The following TMX1 variants were observed in gnomAD, a reference collection of about 807,000 sequenced individuals.
TMX1 encodes thioredoxin related transmembrane protein 1.
Under a neutral mutation model 36.6 loss-of-function variants are expected in TMX1, and 25 were observed. The observed-to-expected ratio is 0.68, with a 90% CI of 0.50 to 0.95. TMX1 has a LOEUF of 0.95. Among genes scored for constraint, TMX1 ranks in the 40% least tolerant of loss-of-function variants. The probability of loss-of-function intolerance (pLI) is 0.00; values close to 1 mark genes in which losing one functional copy is unlikely to be tolerated. For synonymous variants in TMX1, 133 were observed against 118.0 expected (o/e 1.13, Z -0.82); for missense variants, 347 against 339.6 (o/e 1.02, Z -0.17).
At chr14:51,250,648 C>A (rs148314643) in intron 7 of TMX1, among the ~76,000 whole-genome samples, 2 of 152,142 alleles carry the variant, frequency 1.3e-5, no homozygotes, top group African/African-American at 4.8e-5. Context: ...CCCACCACCA[C>A]GCCCGGCTAA....
intron 1 of TMX1, 55 bp downstream of exon 1, chr14:51,240,499 C>G (rs2065755243): frequency 1.3e-6 from 2 of 1,576,506 alleles, no homozygotes; most frequent in East Asian, 4.6e-5. Flanking sequence ...CGACTTCACC[C>G]CGCACGTTCC....
chr14:51,248,692 C>T (rs1258015225), intron 4 of TMX1, among the ~76,000 whole-genome samples: 1 of 152,282 alleles, frequency 6.6e-6, no homozygotes, highest in East Asian at 1.9e-4. Flanking sequence ...CAAGCAGCTA[C>T]AATTGGGAAC....
At chr14:51,247,268 C>A (rs201395832) in intron 4 of TMX1, 48 bp downstream of exon 4, 1 of 1,549,582 alleles carries the variant, frequency 6.5e-7, no homozygotes, top group Non-Finnish European at 8.7e-7. Flanking sequence ...TTAATTGGAA[C>A]AGATAATTAT....
Position 51,256,420 on chromosome 14 carries a change from T to TA in TMX1, c.*1904dup, listed in dbSNP as rs1161433783. ...AGGAAACATATAATCTCACGGTTCT[T>TA]AAAGATTGTCACTGTAGACATCTGA... On this transcript the variant is annotated 3_prime_UTR_variant, in exon 8 of 8. Transcript: ENST00000457354. 6.6e-6 allele frequency: 1 copy of TA among 152,062 alleles called. No individual in the cohort carries two copies. Among genetic ancestry groups the TA allele is most frequent in the African/African-American group, 2.4e-5 (1 of 41,418 alleles). The allele number at this position is 152,062 out of a possible 1,614,324, so 9.4% of individuals were successfully genotyped here. A position where few individuals can be genotyped will look rare whatever the true frequency, so the allele number is the denominator to read the frequency against.
rs1229674082 is a variant in TMX1, at chr14:51,243,903, A to G, written c.200A>G (p.Glu67Gly). ...TGTCAAAATCTTCAACCGGAATGGGAAAGTTTTGCTGAATGGGGAGAAGAT... is the reference window on the plus strand; with the variant it reads ...TGTCAAAATCTTCAACCGGAATGGGGAAGTTTTGCTGAATGGGGAGAAGAT... ...PACQNLQPEW[E>G]SFAEWGEDLE... The change falls in exon 2 of 8, where the codon GAA becomes GGA. Residue 67 changes from glutamate to glycine, a missense_variant. Coordinates refer to ENST00000457354, the MANE Select transcript of TMX1 (RefSeq NM_030755.5). 6.2e-7 allele frequency: 1 copy of G among 1,612,266 alleles called. No individual in the cohort carries two copies. Among genetic ancestry groups the G allele is most frequent in the Admixed American group, 1.7e-5 (1 of 59,844 alleles).
chr14:51,256,183 A>T lies in TMX1; in HGVS notation c.*1664A>T, dbSNP rs535222359. On this transcript the variant is annotated 3_prime_UTR_variant, in exon 8 of 8. Transcript: ENST00000457354. The stretch of plus-strand genomic sequence containing the variant: ...AATCAAAAGACTGCCTTCTTTTTCT[A>T]TTGAGATGTTTAAGGACAGTAATGC... 14 of 152,278 alleles carry T rather than the reference A, an allele frequency of 9.2e-5. No homozygotes were observed. The South Asian group carries it at 2.7e-3, about 29-fold the overall frequency. The allele number at this position is 152,278 out of a possible 1,614,324, so 9.4% of individuals were successfully genotyped here. A position where few individuals can be genotyped will look rare whatever the true frequency, so the allele number is the denominator to read the frequency against.
At chr14:51,243,761 T>G (rs982210628) in intron 1 of TMX1, 95 bp from the exon 2 acceptor site, 9 of 872,854 alleles carry the variant, frequency 1.0e-5, no homozygotes, top group Non-Finnish European at 1.3e-5. Flanking sequence ...ATATGAAATA[T>G]TCTTCATAAA....
chr14:51,255,272 T>C lies in TMX1; in HGVS notation c.*753T>C, dbSNP rs2139860440. On this transcript the variant is annotated 3_prime_UTR_variant, in exon 8 of 8. Transcript: ENST00000457354. The stretch of plus-strand genomic sequence containing the variant: ...TTATGTTTTAGTAAACAGTATTTTT[T>C]TGTTGTTTCAAACTGAAGTTTACTG... The C allele has an allele frequency of 6.6e-6, 1 of 152,158 alleles. No homozygotes were observed. Among genetic ancestry groups the C allele is most frequent in the East Asian group, 1.9e-4 (1 of 5,192 alleles). 9.4% of individuals were successfully genotyped at this position (152,158 alleles called of 1,614,324 possible). A position where few individuals can be genotyped will look rare whatever the true frequency, so the allele number is the denominator to read the frequency against.
At chr14:51,245,051 T>C (rs1413931957) in intron 2 of TMX1, among the ~76,000 whole-genome samples, 2 of 152,204 alleles carry the variant, frequency 1.3e-5, no homozygotes, top group South Asian at 2.1e-4. Flanking sequence ...GACAGTGATA[T>C]AAATGTTGAA....
chr14:51,245,817 G>A (rs1050537694), intron 3 of TMX1: 3 of 266,222 alleles, frequency 1.1e-5, no homozygotes, highest in Admixed American at 5.1e-5. Flanking sequence ...AACATGTTAT[G>A]TCCAAAAAGT....
At chr14:51,252,863 T>C (rs1461059538) in intron 7 of TMX1, among the ~76,000 whole-genome samples, 2 of 152,182 alleles carry the variant, frequency 1.3e-5, no homozygotes, top group Non-Finnish European at 2.9e-5. Context: ...AAGATGCTGT[T>C]TCTGAGTTAC....
rs932351977 is a variant in TMX1 at position 51,255,259 on chromosome 14, A to G, written c.*740A>G. On this transcript the variant is annotated 3_prime_UTR_variant, in exon 8 of 8. Coordinates refer to ENST00000457354, the MANE Select transcript of TMX1 (RefSeq NM_030755.5). ...TTGGAAACATTTTTTATGTTTTAGT[A>G]AACAGTATTTTTTTGTTGTTTCAAA... 2.0e-5 allele frequency: 3 copies of G among 152,050 alleles called. No individual in the cohort carries two copies. Among genetic ancestry groups the G allele is most frequent in the African/African-American group, 7.2e-5 (3 of 41,452 alleles). 9.4% of individuals were successfully genotyped at this position (152,050 alleles called of 1,614,324 possible).
At chr14:51,253,911 A>G (rs950025160) in intron 7 of TMX1, 1 of 152,594 alleles carries the variant, frequency 6.6e-6, no homozygotes, top group Non-Finnish European at 1.5e-5. Context: ...TTAATAGCAA[A>G]TTAATATGAG....
Position 51,254,638 on chromosome 14 carries a change from C to T in TMX1, c.*119C>T, listed in dbSNP as rs1420012295. ...TATTGCAGGGTTCAGTCTAGATTGT[C>T]ATTAAATTGAAGAGTCTACATTCAG... On this transcript the variant is annotated 3_prime_UTR_variant, in exon 8 of 8. Coordinates refer to ENST00000457354, the MANE Select transcript of TMX1 (RefSeq NM_030755.5). 9 of 877,798 alleles carry T rather than the reference C, an allele frequency of 1.0e-5. No homozygotes were observed. The highest frequency in any genetic ancestry group is 2.0e-5 in the South Asian group (1 of 49,788). 54.4% of individuals were successfully genotyped at this position (877,798 alleles called of 1,614,324 possible).
In TMX1 at chr14:51,257,209, T is replaced by C. The variant is rs947680329; in HGVS notation, c.*2690T>C. 1 of 152,226 alleles carries C rather than the reference T, an allele frequency of 6.6e-6. No homozygotes were observed. The highest frequency in any genetic ancestry group is 1.5e-5 in the Non-Finnish European group (1 of 68,038). The allele number at this position is 152,226 out of a possible 1,614,324, so 9.4% of individuals were successfully genotyped here. A position where few individuals can be genotyped will look rare whatever the true frequency, so the allele number is the denominator to read the frequency against. On this transcript the variant is annotated 3_prime_UTR_variant, in exon 8 of 8. Coordinates refer to ENST00000457354, the MANE Select transcript of TMX1 (RefSeq NM_030755.5). ...AACCATAATTATTCAGTATTTGCAG[T>C]CTCGTGATGTTGGTTATTGCATAAA...
Position 51,247,132 on chromosome 14 carries a change from A to G in TMX1, c.355A>G (p.Thr119Ala), listed in dbSNP as rs199971564. 2.2e-5 allele frequency: 36 copies of G among 1,612,652 alleles called. No homozygotes were observed. In the East Asian group the frequency reaches 8.0e-4, roughly 36 times the overall value. Residue 119 changes from threonine (T) to alanine (A), a missense_variant, in exon 4 of 8, where the codon ACT becomes GCT. Physicochemically the swap from Thr to Ala is moderately conservative, Grantham distance 58. Coordinates refer to ENST00000457354, the MANE Select transcript of TMX1 (RefSeq NM_030755.5). ...ATTTAGGCGCTATCAGGGTCCAAGG[A>G]CTAAGAAGGACTTCATAAACTTTAT... ...GEFRRYQGPR[T>A]KKDFINFISD...
Position 51,255,003 on chromosome 14 carries a change from A to G in TMX1, c.*484A>G, listed in dbSNP as rs2065832258. 6.6e-6 allele frequency: 1 copy of G among 152,342 alleles called. No individual in the cohort carries two copies. Among genetic ancestry groups the G allele is most frequent in the Non-Finnish European group, 1.5e-5 (1 of 68,002 alleles). The allele number at this position is 152,342 out of a possible 1,614,324, so 9.4% of individuals were successfully genotyped here. ...TCAGTGACAATTTCGTGGTCTTTTTAGAGGTATATTCCAAAATTTCCTTGT... is the reference window on the plus strand; with the variant it reads ...TCAGTGACAATTTCGTGGTCTTTTTGGAGGTATATTCCAAAATTTCCTTGT... On this transcript the variant is annotated 3_prime_UTR_variant, in exon 8 of 8. Transcript: ENST00000457354.
At chr14:51,244,679 G>A (rs1487193838) in intron 2 of TMX1, among the ~76,000 whole-genome samples, 2 of 151,922 alleles carry the variant, frequency 1.3e-5, no homozygotes. Flanking sequence ...GTAATAATAG[G>A]TAATATTTAT....
At position 51,254,684 on chromosome 14, in the gene TMX1, A is replaced by G. The variant is rs908197475; in HGVS notation, c.*165A>G. ...TTCAGAACATAAAAGCACTAGGTATACAAGTTTGAAATATGATTTAAGCAC... is the reference window on the plus strand; with the variant it reads ...TTCAGAACATAAAAGCACTAGGTATGCAAGTTTGAAATATGATTTAAGCAC... On this transcript the variant is annotated 3_prime_UTR_variant, in exon 8 of 8. Transcript: ENST00000457354. 6 of 564,770 alleles carry G rather than the reference A, an allele frequency of 1.1e-5. No homozygotes were observed. The highest frequency in any genetic ancestry group is 9.8e-5 in the African/African-American group (5 of 50,840). The allele number at this position is 564,770 out of a possible 1,614,324, so 35.0% of individuals were successfully genotyped here. A position where few individuals can be genotyped will look rare whatever the true frequency, so the allele number is the denominator to read the frequency against.
Sources: allele counts gnomAD v4.1 joint callset (sites outside exome capture counted in the v4.1 genomes callset), GRCh38; gene constraint gnomAD v4.1.1; transcripts MANE v1.5; gene names NCBI Gene and HGNC (gene_info 2026-07-23, HGNC 2026-07-21).